The following HYDIN variants were observed in gnomAD, a reference collection of about 807,000 sequenced individuals.
The protein encoded by HYDIN is axonemal central pair apparatus protein HYDIN.
A neutral mutation model predicts 403.9 loss-of-function variants in HYDIN; 132 were observed. The ratio of observed to expected loss-of-function variants is 0.33; its 90% CI spans 0.28 to 0.38. The LOEUF (loss-of-function observed/expected upper bound fraction) is 0.38. HYDIN is among the 10% of genes least tolerant of loss of function. HYDIN has a pLI of 1.00. For synonymous variants in HYDIN, 1,202 were observed against 1,891.7 expected, an observed-to-expected ratio of 0.64 and a Z score of 9.46; for missense variants, 2,827 against 5,009.5, an observed-to-expected ratio of 0.56 and a Z score of 13.15.
At chr16:71,037,411 T>A (rs1171644582) in intron 18 of HYDIN, among the ~76,000 whole-genome samples, 1 of 151,868 alleles carries the variant, frequency 6.6e-6, no homozygotes, top group Non-Finnish European at 1.5e-5. Context: ...ACAGGCAGAA[T>A]TCTAAGTTGG....
chr16:70,863,348 T>C (rs1320659603), intron 67 of HYDIN, among the ~76,000 whole-genome samples, 166 bp from the exon 68 acceptor site: 1 of 152,118 alleles, frequency 6.6e-6, no homozygotes, highest in Non-Finnish European at 1.5e-5. Context: ...ATCATGCATA[T>C]GATATACTCG....
At chr16:71,056,147 T>C (rs1597661943) in intron 18 of HYDIN, among the ~76,000 whole-genome samples, 1 of 150,740 alleles carries the variant, frequency 6.6e-6, no homozygotes, top group South Asian at 2.1e-4. Flanking sequence ...TTTTTTTTTT[T>C]TACTCCTTCA....
rs2041677851 is a variant in HYDIN at position 70,894,537 on chromosome 16, C to A, written c.9160G>T (p.Gly3054Ter). 1 of 1,577,702 alleles carries A rather than the reference C, an allele frequency of 6.3e-7. No individual in the cohort carries two copies. The highest frequency in any genetic ancestry group is 8.6e-7 in the Non-Finnish European group (1 of 1,163,696). The change falls in exon 55 of 86, where the codon GGA (glycine) becomes TGA (stop). Residue 3054 changes from glycine (G) to a stop codon, truncating the protein, a stop_gained. Transcript: ENST00000393567. LOFTEE classifies it high-confidence loss of function. ...DITFPKGAEG[G>*]LDFGIVRVTE... ...ACCCTGACAATCCCAAAATCCAGTC[C>A]CCCTTCAGCTCCTGCAGAGACCAGG...
intron 47 of HYDIN, among the ~76,000 whole-genome samples, chr16:70,915,017 T>G (rs1466827508): frequency 1.3e-5 from 2 of 151,414 alleles, no homozygotes; most frequent in Non-Finnish European, 1.5e-5. Context: ...GCTGTGTATT[T>G]CATTGAATAT....
At chr16:71,015,969 A>T (rs2080245107) in intron 23 of HYDIN, among the ~76,000 whole-genome samples, 1 of 151,978 alleles carries the variant, frequency 6.6e-6, no homozygotes, top group Admixed American at 6.6e-5. Context: ...ACATATACAT[A>T]AATGAACCAG....
intron 41 of HYDIN, among the ~76,000 whole-genome samples, chr16:70,945,189 G>A (rs1189869446): frequency 1.3e-5 from 2 of 152,262 alleles, no homozygotes; most frequent in African/African-American, 2.4e-5. Flanking sequence ...GACGAAAATG[G>A]TGGTGGCGAG....
chr16:71,179,161 T>C (rs2086802436), intron 3 of HYDIN, 114 bp from the exon 4 acceptor site: 1 of 740,942 alleles, frequency 1.3e-6, no homozygotes, highest in Non-Finnish European at 2.1e-6. Flanking sequence ...TGGGAAATAT[T>C]CAAAAAGAAA....
At chr16:70,984,522 T>C (rs1435517976) in intron 28 of HYDIN, among the ~76,000 whole-genome samples, 2 of 150,116 alleles carry the variant, frequency 1.3e-5, no homozygotes, top group Admixed American at 1.3e-4. Flanking sequence ...ACAGTATTAA[T>C]GTAGGGACAA....
intron 4 of HYDIN, among the ~76,000 whole-genome samples, chr16:71,178,419 CAAAAAA>C (rs72161442): frequency 4.0e-4 from 50 of 123,982 alleles, no homozygotes; most frequent in Admixed American, 2.6e-3. Flanking sequence ...AACTCTGTCT[CAAAAAA>C]AAAAAAAAAA....
chr16:71,224,559 CTTTTTTTTTTTTTTT>C (rs34595246), intron 1 of HYDIN, among the ~76,000 whole-genome samples: 2 of 117,388 alleles, frequency 1.7e-5, no homozygotes, highest in Admixed American at 8.7e-5. Context: ...TAAGGTTTTT[CTTTTTTTTTTTTTTT>C]TTTTTGAGAC....
Position 70,981,304 on chromosome 16 carries a change from A to C in HYDIN, c.4510+87T>G. On this transcript the variant is annotated intron_variant, in intron 29 of 85. Coordinates refer to ENST00000393567, the MANE Select transcript of HYDIN (RefSeq NM_001270974.2). Reference sequence around the variant, plus strand: ...ACCACAGGGCATTTCCAAGCAAATAAAGTAAGTAGCCAGCAATCTTCCAAT... The same window carrying C: ...ACCACAGGGCATTTCCAAGCAAATACAGTAAGTAGCCAGCAATCTTCCAAT... The C allele has an allele frequency of 2.7e-6, 4 of 1,470,606 alleles. No individual in the cohort carries two copies. The South Asian group carries it at 5.8e-5, about 21-fold the overall frequency. 91.1% of individuals were successfully genotyped at this position (1,470,606 alleles called of 1,614,324 possible).
intron 1 of HYDIN, among the ~76,000 whole-genome samples, chr16:71,201,479 A>G (rs1012032789): frequency 6.6e-6 from 1 of 152,106 alleles, no homozygotes; most frequent in African/African-American, 2.4e-5. Context: ...CCTCACTCCA[A>G]TCCAGGAGTG....
In HYDIN at chr16:70,868,661, T is replaced by A; in HGVS notation, c.11219A>T (p.Asp3740Val). The change falls in exon 66 of 86, where the codon GAC (aspartate) becomes GTC (valine). Residue 3740 changes from aspartate (D) to valine (V), a missense_variant. Coordinates refer to ENST00000393567, the MANE Select transcript of HYDIN (RefSeq NM_001270974.2). ...GCGGTCATCCCAGTCGGGGACCTGG[T>A]CTGCAGGGAGCTGAAACATAATCCT... ...LSRIMFQLPA[D>V]QVPDWDDRMH... is the part of the protein sequence containing the mutation. 5 of 1,614,168 alleles carry A rather than the reference T, an allele frequency of 3.1e-6. No homozygotes were observed. Among genetic ancestry groups the A allele is most frequent in the Non-Finnish European group, 4.2e-6 (5 of 1,180,032 alleles).
At chr16:71,218,979 T>G (rs1352384882) in intron 1 of HYDIN, among the ~76,000 whole-genome samples, 1 of 152,334 alleles carries the variant, frequency 6.6e-6, no homozygotes, top group South Asian at 2.1e-4. Context: ...TGAAATATGC[T>G]TCCCACACTG....
chr16:70,898,953 T>G (rs2076284392), intron 53 of HYDIN, among the ~76,000 whole-genome samples: 1 of 152,206 alleles, frequency 6.6e-6, no homozygotes, highest in Non-Finnish European at 1.5e-5. Flanking sequence ...TTTTTGTATT[T>G]AGAGGTGCAA....
chr16:71,176,123 G>GGATGTGTTAGAGATCC (rs371703099), intron 4 of HYDIN, among the ~76,000 whole-genome samples: 1 of 151,834 alleles, frequency 6.6e-6, no homozygotes, highest in African/African-American at 2.4e-5. Flanking sequence ...GACTAATACA[G>GGATGTGTTAGAGATCC]TGAAACCTCA....
chr16:70,928,072 T>C (rs2143835851), intron 45 of HYDIN, among the ~76,000 whole-genome samples: 1 of 152,136 alleles, frequency 6.6e-6, no homozygotes, highest in South Asian at 2.1e-4. Context: ...GAGAAATGCA[T>C]ATTGATAAAT....
intron 58 of HYDIN, among the ~76,000 whole-genome samples, chr16:70,887,012 TG>T (rs1189394753): frequency 6.6e-6 from 1 of 152,236 alleles, no homozygotes; most frequent in East Asian, 1.9e-4. Flanking sequence ...TAACTCTTTC[TG>T]GAACTCCAAT....
At chr16:71,196,815 C>T (rs1039000077) in intron 1 of HYDIN, among the ~76,000 whole-genome samples, 2 of 152,184 alleles carry the variant, frequency 1.3e-5, no homozygotes, top group African/African-American at 2.4e-5. Flanking sequence ...TACACTTCCA[C>T]CAGTGCCATG....
Sources: gnomAD v4.1 joint callset for allele counts (sites outside exome capture counted in the v4.1 genomes callset) on GRCh38, gnomAD v4.1.1 for gene constraint, MANE v1.5 for transcripts, NCBI Gene and HGNC (gene_info 2026-07-23, HGNC 2026-07-21) for gene names.